NPHP1: variants seen among roughly 807,000 people sequenced by gnomAD.
NPHP1 encodes the protein nephrocystin 1, also known as nephrocystin-1.
A neutral mutation model predicts 90.4 loss-of-function variants in NPHP1; 70 were observed. The observed-to-expected ratio is 0.77, with a 90% CI of 0.64 to 0.95. The LOEUF (loss-of-function observed/expected upper bound fraction) is 0.95, where lower values mean the gene tolerates loss of function less well. Among genes scored for constraint, NPHP1 ranks in the 40% least tolerant of loss-of-function variants. NPHP1 has a pLI of 0.00. For synonymous variants in NPHP1, 256 were observed against 271.7 expected, an observed-to-expected ratio of 0.94 and a Z score of 0.57; for missense variants, 764 against 795.9, an observed-to-expected ratio of 0.96 and a Z score of 0.48.
At chr2:110,168,387 A>T in intron 6 of NPHP1, 65 bp downstream of exon 6, 1 of 1,002,882 alleles carries the variant, frequency 1.0e-6, no homozygotes, top group Non-Finnish European at 1.6e-6. Context: ...GAACACAGCT[A>T]AATGTTTTAT....
intron 2 of NPHP1, among the ~76,000 whole-genome samples, chr2:110,183,863 C>T (rs1684084548): frequency 6.6e-6 from 1 of 152,166 alleles, no homozygotes; most frequent in African/African-American, 2.4e-5. Flanking sequence ...TTCTACTCAT[C>T]ACCACAAGGC....
At chr2:110,136,110 C>A (rs1033968872) in intron 16 of NPHP1, among the ~76,000 whole-genome samples, 2 of 146,158 alleles carry the variant, frequency 1.4e-5, no homozygotes, top group African/African-American at 2.4e-5. Context: ...AGGCCTTTGA[C>A]AAAATTCAAC....
chr2:110,184,169 T>C lies in NPHP1; in HGVS notation c.144-4485A>G, dbSNP rs144855334. ...TCCACAAATACTGCTTTCCAAAGTATGTGGGCCTACCCATGCATATTCGTA... is the reference window on the plus strand; with the variant it reads ...TCCACAAATACTGCTTTCCAAAGTACGTGGGCCTACCCATGCATATTCGTA... On this transcript the variant is annotated intron_variant, in intron 2 of 19. Coordinates refer to ENST00000445609, the MANE Select transcript of NPHP1 (RefSeq NM_001128178.3). 7.4e-4 allele frequency: 417 copies of C among 560,722 alleles called. 3 individuals carry two copies. The highest frequency in any genetic ancestry group is 7.0e-3 in the African/African-American group (369 of 53,078). 34.7% of individuals were successfully genotyped at this position (560,722 alleles called of 1,614,324 possible).
At chr2:110,139,043 T>G (rs1680432509) in intron 16 of NPHP1, among the ~76,000 whole-genome samples, 1 of 152,114 alleles carries the variant, frequency 6.6e-6, no homozygotes, top group Non-Finnish European at 1.5e-5. Flanking sequence ...TGAATTCACA[T>G]GTAGACCAGC....
At chr2:110,189,547 A>G (rs1684541014) in intron 2 of NPHP1, among the ~76,000 whole-genome samples, 1 of 152,114 alleles carries the variant, frequency 6.6e-6, no homozygotes, top group African/African-American at 2.4e-5. Flanking sequence ...AGCAGTAGCA[A>G]GATTTATTGC....
chr2:110,185,148 C>T (rs137982337), intron 2 of NPHP1: 70 of 572,718 alleles, frequency 1.2e-4, no homozygotes, highest in Admixed American at 1.3e-4. Flanking sequence ...ATGAGGAAGA[C>T]GGTGCCTGAT....
intron 4 of NPHP1, among the ~76,000 whole-genome samples, chr2:110,175,223 A>G (rs1683424439): frequency 6.6e-6 from 1 of 152,050 alleles, no homozygotes; most frequent in African/African-American, 2.4e-5. Flanking sequence ...CCAAATATAT[A>G]TTTTGCTTTA....
chr2:110,125,016 GA>G, intron 19 of NPHP1: 1 of 501,296 alleles, frequency 2.0e-6, no homozygotes, highest in Non-Finnish European at 3.3e-6. Flanking sequence ...AGTTTTATAG[GA>G]AAACAGTCAC....
At chr2:110,184,281 G>A (rs1257718432) in intron 2 of NPHP1, 1 of 594,498 alleles carries the variant, frequency 1.7e-6, no homozygotes, top group African/African-American at 1.8e-5. Context: ...CTATCTCACG[G>A]AGCATGGCAT....
At position 110,146,970 on chromosome 2, in the gene NPHP1, G is replaced by A. The variant is rs1020044803; in HGVS notation, c.1270-135C>T. 1.2e-4 allele frequency: 83 copies of A among 695,414 alleles called. No homozygotes were observed. In the Admixed American group the frequency reaches 1.9e-3, roughly 16 times the overall value. 43.1% of individuals were successfully genotyped at this position (695,414 alleles called of 1,614,324 possible). On this transcript the variant is annotated intron_variant, in intron 13 of 19. Coordinates refer to ENST00000445609, the MANE Select transcript of NPHP1 (RefSeq NM_001128178.3). Reference sequence around the variant, plus strand: ...AAAGTTCTTCACAAGAAAATAAAATGAAACACAGTAGAATCTCATTTTGCC... The same window carrying A: ...AAAGTTCTTCACAAGAAAATAAAATAAAACACAGTAGAATCTCATTTTGCC...
At chr2:110,156,675 T>C (rs1222346769) in intron 11 of NPHP1, among the ~76,000 whole-genome samples, 2 of 152,018 alleles carry the variant, frequency 1.3e-5, no homozygotes, top group Non-Finnish European at 2.9e-5. Context: ...CTGGGTGGGG[T>C]GGTCCAAGAG....
intron 4 of NPHP1, 82 bp from the exon 5 acceptor site, chr2:110,170,080 A>G: frequency 6.6e-7 from 1 of 1,514,642 alleles, no homozygotes; most frequent in South Asian, 1.1e-5. Context: ...CTACATATAC[A>G]TGAATATCCC....
At chr2:110,173,946 G>A (rs952967370) in intron 4 of NPHP1, among the ~76,000 whole-genome samples, 5 of 151,740 alleles carry the variant, frequency 3.3e-5, no homozygotes, top group Non-Finnish European at 7.4e-5. Flanking sequence ...CTACTGAATC[G>A]ACCCTTTCTT....
At chr2:110,145,992 A>G (rs1004995460) in intron 14 of NPHP1, among the ~76,000 whole-genome samples, 2 of 152,216 alleles carry the variant, frequency 1.3e-5, no homozygotes, top group South Asian at 4.1e-4. Context: ...AGTAGGAATT[A>G]TTACAATCTT....
intron 16 of NPHP1, among the ~76,000 whole-genome samples, chr2:110,135,871 T>G (rs1433710388): frequency 1.3e-5 from 2 of 152,184 alleles, no homozygotes; most frequent in Admixed American, 1.3e-4. Context: ...GCTTCCAGCC[T>G]GTTGGAAGAG....
At chr2:110,164,547 T>A (rs1682575841) in intron 8 of NPHP1, 141 bp downstream of exon 8, 1 of 1,567,506 alleles carries the variant, frequency 6.4e-7, no homozygotes, top group African/African-American at 1.4e-5. Context: ...AAACCAGAAA[T>A]ATACGTCCTC....
chr2:110,130,085 G>A (rs1018743850), intron 17 of NPHP1, among the ~76,000 whole-genome samples: 6 of 152,110 alleles, frequency 3.9e-5, no homozygotes, highest in Admixed American at 1.3e-4. Context: ...AGGGTGAGAC[G>A]AATTCCCTTG....
At chr2:110,165,294 G>A (rs1682652647) in intron 6 of NPHP1, 139 bp from the exon 7 acceptor site, 1 of 697,390 alleles carries the variant, frequency 1.4e-6, no homozygotes, top group South Asian at 1.6e-5. Context: ...AAAAGCATCA[G>A]TACTTTCAGA....
At chr2:110,200,725 C>A (rs1163634471) in intron 2 of NPHP1, among the ~76,000 whole-genome samples, 1 of 152,046 alleles carries the variant, frequency 6.6e-6, no homozygotes, top group African/African-American at 2.4e-5. Context: ...ACTGTTAATT[C>A]AGCTTGAACT....
Sources: allele counts gnomAD v4.1 joint callset (sites outside exome capture counted in the v4.1 genomes callset), GRCh38; gene constraint gnomAD v4.1.1; transcripts MANE v1.5; gene names NCBI Gene and HGNC (gene_info 2026-07-23, HGNC 2026-07-21).